PLTP: variants seen among roughly 807,000 people sequenced by gnomAD.
PLTP encodes phospholipid transfer protein.
A neutral mutation model predicts 54.1 loss-of-function variants in PLTP; 43 were observed. The observed-to-expected ratio is 0.79, with a 90% CI of 0.62 to 1.02. The LOEUF (loss-of-function observed/expected upper bound fraction) is 1.02. Ranked by LOEUF, PLTP falls within the 50% of genes least tolerant of loss-of-function variation. PLTP has a pLI of 0.00. For missense variants in PLTP, 604 were observed against 645.9 expected, an observed-to-expected ratio of 0.94 and a Z score of 0.70; for synonymous variants, 263 against 264.6, an observed-to-expected ratio of 0.99 and a Z score of 0.06.
Position 45,899,655 on chromosome 20 carries a change from T to C in PLTP, c.1249A>G (p.Met417Val). 2 of 1,613,630 alleles carry C rather than the reference T, an allele frequency of 1.2e-6. No individual in the cohort carries two copies. Among genetic ancestry groups the C allele is most frequent in the Middle Eastern group, 1.7e-4 (1 of 6,060 alleles). ...ATGGGCATCACCCCAATCTGCAGCA[T>C]GGTCTTCAGAGGGGCCTGTAATGGG... ...LIPLQAPLKT[M>V]LQIGVMPMLN... The change falls in exon 14 of 16, where the codon ATG becomes GTG. Residue 417 changes from methionine (M) to valine (V), a missense_variant. Coordinates refer to ENST00000372431, the MANE Select transcript of PLTP (RefSeq NM_006227.4).
intron 3 of PLTP, 175 bp downstream of exon 3, chr20:45,910,977 G>A (rs554816086): frequency 6.7e-7 from 1 of 1,498,718 alleles, no homozygotes; most frequent in Admixed American, 2.2e-5. Flanking sequence ...CGCCTATGAT[G>A]ACTGGCTTGG....
intron 3 of PLTP, chr20:45,910,895 C>T: frequency 4.3e-6 from 6 of 1,385,828 alleles, no homozygotes; most frequent in Non-Finnish European, 5.6e-6. Context: ...TCGACCACGC[C>T]TCACATCCAC....
chr20:45,906,708 C>A lies in PLTP; in HGVS notation c.614-349G>T, dbSNP rs548198003. Among the ~76,000 whole-genome samples, 7 of 151,142 alleles carry A rather than the reference C, an allele frequency of 4.6e-5. No homozygotes were observed. In the South Asian group the frequency reaches 1.5e-3, roughly 32 times the overall value. On this transcript the variant is annotated intron_variant, in intron 7 of 15. Transcript: ENST00000372431. The stretch of plus-strand genomic sequence containing the variant: ...TGTTCGAGACCAGCCTGGTCCACCA[C>A]GGTGAAACCCCGTCTCTACTAAAAA...
chr20:45,910,958 G>T (rs956009575), intron 3 of PLTP, 194 bp downstream of exon 3: 11 of 1,465,394 alleles, frequency 7.5e-6, no homozygotes, highest in African/African-American at 2.8e-5. Context: ...ACGCCCATCT[G>T]CCTGGTCCCG....
At position 45,911,414 on chromosome 20, in the gene PLTP, T is replaced by G; in HGVS notation, c.39A>C (p.Ala13=). 1.2e-6 allele frequency: 2 copies of G among 1,608,274 alleles called. No homozygotes were observed. The highest frequency in any genetic ancestry group is 1.7e-6 in the Non-Finnish European group (2 of 1,179,976). Residue 13 remains alanine (A), a synonymous_variant, in exon 2 of 16, where the codon GCA becomes GCC. Coordinates refer to ENST00000372431, the MANE Select transcript of PLTP (RefSeq NM_006227.4). The stretch of plus-strand genomic sequence containing the variant: ...AGCCTGGGAACTCTGCATGTGCGCC[T>G]GCCAGCAGCGCTAGGAAGAGGGCCC... ...LFGALFLALL[A]GAHAEFPGCK... is the part of the protein sequence containing the mutation.
At chr20:45,910,268 C>T (rs2083277900) in intron 3 of PLTP, among the ~76,000 whole-genome samples, 198 bp from the exon 4 acceptor site, 1 of 152,142 alleles carries the variant, frequency 6.6e-6, no homozygotes, top group African/African-American at 2.4e-5. Context: ...GAGAGGAGGT[C>T]TTCCTGATCC....
intron 7 of PLTP, among the ~76,000 whole-genome samples, chr20:45,906,624 T>C (rs895365462): frequency 2.6e-5 from 4 of 152,106 alleles, no homozygotes; most frequent in Admixed American, 2.6e-4. Flanking sequence ...GCATGGTGGC[T>C]CACACCTGTA....
At position 45,905,054 on chromosome 20, in the gene PLTP, A is replaced by T. The variant is rs747789874; in HGVS notation, c.770T>A (p.Leu257Gln). 1 of 1,614,228 alleles carries T rather than the reference A, an allele frequency of 6.2e-7. No individual in the cohort carries two copies. The highest frequency in any genetic ancestry group is 1.1e-5 in the South Asian group (1 of 91,086). ...SLPNRAVEPQLQEEERMVYVA... is the reference protein window; with the variant it reads ...SLPNRAVEPQQQEEERMVYVA... The stretch of plus-strand genomic sequence containing the variant: ...ATACACCATCCGCTCTTCCTCCTGC[A>T]GCTGGGGCTCCACTGCCCGGTTGGG... The change falls in exon 9 of 16, where the codon CTG becomes CAG. Residue 257 changes from leucine to glutamine, a missense_variant. Coordinates refer to ENST00000372431, the MANE Select transcript of PLTP (RefSeq NM_006227.4).
chr20:45,905,104 G>C lies in PLTP; in HGVS notation c.720C>G (p.Pro240=). 1 of 1,614,116 alleles carries C rather than the reference G, an allele frequency of 6.2e-7. No homozygotes were observed. The highest frequency in any genetic ancestry group is 8.5e-7 in the Non-Finnish European group (1 of 1,180,018). ...LDMDFRGAFF[P]LTERNWSLPN... ...GGAGGCTCCAGTTCCTCTCAGTCAGGGGGAAGAAGGCCCCCTGGGGTGGGG... is the reference window on the plus strand; with the variant it reads ...GGAGGCTCCAGTTCCTCTCAGTCAGCGGGAAGAAGGCCCCCTGGGGTGGGG... Residue 240 remains proline (P), a synonymous_variant, in exon 9 of 16, where the codon CCC becomes CCG. Coordinates refer to ENST00000372431, the MANE Select transcript of PLTP (RefSeq NM_006227.4).
chr20:45,910,966 C>A, intron 3 of PLTP, 186 bp downstream of exon 3: 1 of 1,476,818 alleles, frequency 6.8e-7, no homozygotes, highest in Non-Finnish European at 9.0e-7. Context: ...CTGCCTGGTC[C>A]CGCCTATGAT....
intron 3 of PLTP, 59 bp from the exon 4 acceptor site, chr20:45,910,129 A>G: frequency 3.8e-6 from 6 of 1,598,928 alleles, no homozygotes; most frequent in Non-Finnish European, 5.1e-6. Flanking sequence ...CCCCAACGAC[A>G]GGAAATTTGT....
At chr20:45,906,475 T>C (rs2083239690) in intron 7 of PLTP, 116 bp from the exon 8 acceptor site, 5 of 797,494 alleles carry the variant, frequency 6.3e-6, no homozygotes, top group Non-Finnish European at 1.1e-5. Context: ...AGGGTTGTCA[T>C]GAGGGTCAAA....
intron 11 of PLTP, 40 bp downstream of exon 11, chr20:45,902,400 C>A: frequency 6.2e-7 from 1 of 1,614,098 alleles, no homozygotes; most frequent in Non-Finnish European, 8.5e-7. Context: ...CCCATTTTTC[C>A]CTGACCCCCA....
Position 45,905,239 on chromosome 20 carries a change from T to C in PLTP, c.706-121A>G, listed in dbSNP as rs1178906168. 4 of 816,810 alleles carry C rather than the reference T, an allele frequency of 4.9e-6. No homozygotes were observed. The Admixed American group carries it at 6.8e-5, about 14-fold the overall frequency. The allele number at this position is 816,810 out of a possible 1,614,324, so 50.6% of individuals were successfully genotyped here. A position where few individuals can be genotyped will look rare whatever the true frequency, so the allele number is the denominator to read the frequency against. ...GGGATGGTGGGAACCCAGCTGCTGT[T>C]CTTGGAGGATTCACAAGCACATCTC... On this transcript the variant is annotated intron_variant, in intron 8 of 15. Coordinates refer to ENST00000372431, the MANE Select transcript of PLTP (RefSeq NM_006227.4).
chr20:45,904,471 AAAAT>A (rs2083218591), intron 10 of PLTP, among the ~76,000 whole-genome samples: 1 of 151,810 alleles, frequency 6.6e-6, no homozygotes, highest in African/African-American at 2.4e-5. Flanking sequence ...CTCAAAAAAA[AAAAT>A]AAATAAAATG....
chr20:45,904,149 T>G (rs1488476121), intron 10 of PLTP, among the ~76,000 whole-genome samples: 1 of 152,200 alleles, frequency 6.6e-6, no homozygotes, highest in African/African-American at 2.4e-5. Flanking sequence ...ATGATGATAA[T>G]GACTGAATTA....
intron 4 of PLTP, 124 bp from the exon 5 acceptor site, chr20:45,909,795 C>T: frequency 1.4e-6 from 2 of 1,413,638 alleles, no homozygotes; most frequent in South Asian, 1.2e-5. Flanking sequence ...ACCTTCCTAT[C>T]AACTCGTATG....
At chr20:45,901,899 CAAA>C (rs5841613) in intron 12 of PLTP, among the ~76,000 whole-genome samples, 9 of 127,948 alleles carry the variant, frequency 7.0e-5, no homozygotes, top group Non-Finnish European at 3.4e-5. Context: ...AACTCCTTCT[CAAA>C]AAAAAAAAAA....
At chr20:45,910,172 C>A in intron 3 of PLTP, 102 bp from the exon 4 acceptor site, 2 of 1,308,620 alleles carry the variant, frequency 1.5e-6, no homozygotes, top group East Asian at 4.8e-5. Context: ...CCTGGGGAAG[C>A]GGGAGTGGGT....
Sources: gnomAD v4.1 joint callset for allele counts (sites outside exome capture counted in the v4.1 genomes callset) on GRCh38, gnomAD v4.1.1 for gene constraint, MANE v1.5 for transcripts, NCBI Gene and HGNC (gene_info 2026-07-23, HGNC 2026-07-21) for gene names.